The following LINGO2 variants were observed in gnomAD, a reference collection of about 807,000 sequenced individuals.
LINGO2 encodes the protein leucine-rich repeat and immunoglobulin-like domain-containing nogo receptor-interacting protein 2.
LINGO2 carries 14 observed loss-of-function variants against 30.6 expected under a neutral mutation model. The ratio of observed to expected loss-of-function variants is 0.46; its 90% confidence interval spans 0.30 to 0.72. LINGO2 has a LOEUF of 0.72. LINGO2 is among the 30% of genes least tolerant of loss of function. The pLI is 0.07. For synonymous variants in LINGO2, 317 were observed against 288.5 expected (o/e 1.10, Z -1.00); for missense variants, 729 against 751.7 (o/e 0.97, Z 0.35).
intron 1 of LINGO2, among the ~76,000 whole-genome samples, chr9:28,652,484 C>T (rs1480915555): frequency 6.6e-6 from 1 of 152,072 alleles, no homozygotes; most frequent in Non-Finnish European, 1.5e-5. Flanking sequence ...TGCACCACTA[C>T]AGAGATAGAA....
At chr9:28,630,369 A>T (rs1204457527) in intron 1 of LINGO2, among the ~76,000 whole-genome samples, 1 of 152,082 alleles carries the variant, frequency 6.6e-6, no homozygotes, top group Non-Finnish European at 1.5e-5. Flanking sequence ...TAATACTGCT[A>T]ATTAGTCCTA....
chr9:28,205,003 T>G (rs1439871216), intron 4 of LINGO2, among the ~76,000 whole-genome samples: 2 of 152,164 alleles, frequency 1.3e-5, no homozygotes, highest in African/African-American at 4.8e-5. Context: ...GCTCTTGAAT[T>G]TCAAGCAATG....
At chr9:28,808,219 C>A in the LINGO2 span, among the ~76,000 whole-genome samples, 6 of 152,136 alleles carry the variant, frequency 3.9e-5, no homozygotes, top group African/African-American at 1.2e-4. Context: ...TGCAATCCTG[C>A]CATGAATCCT....
At chr9:28,060,621 C>T (rs573270214) in intron 4 of LINGO2, among the ~76,000 whole-genome samples, 99 of 152,270 alleles carry the variant, frequency 6.5e-4, no homozygotes, top group Admixed American at 1.9e-3. Flanking sequence ...CCTGCCTCAA[C>T]GACAGGCTAA....
At chr9:28,562,466 A>AAAAAAC (rs1419144329) in intron 1 of LINGO2, among the ~76,000 whole-genome samples, 11 of 150,642 alleles carry the variant, frequency 7.3e-5, no homozygotes, top group African/African-American at 2.7e-4. Context: ...TCAAAAAAAA[A>AAAAAAC]AAAAAAAAAC....
chr9:28,895,307 C>G, the LINGO2 span, among the ~76,000 whole-genome samples: 1 of 152,198 alleles, frequency 6.6e-6, no homozygotes, highest in Admixed American at 6.5e-5. Context: ...ACCTGGCAAA[C>G]AGTGCTGGGG....
intron 4 of LINGO2, among the ~76,000 whole-genome samples, chr9:28,171,698 T>C (rs565173005): frequency 2.0e-5 from 3 of 152,222 alleles, no homozygotes; most frequent in South Asian, 2.1e-4. Context: ...CTCTGGATCC[T>C]GGCTGAAACT....
intron 2 of LINGO2, among the ~76,000 whole-genome samples, chr9:28,435,460 A>G (rs1193944243): frequency 6.6e-6 from 1 of 152,204 alleles, no homozygotes; most frequent in Non-Finnish European, 1.5e-5. Context: ...CATGCCATGT[A>G]ATAGAAAAAT....
the LINGO2 span, among the ~76,000 whole-genome samples, chr9:29,133,981 C>T: frequency 8.0e-3 from 1,220 of 152,192 alleles, 5 homozygotes; most frequent in Non-Finnish European, 0.012. Flanking sequence ...AGATTTGTTG[C>T]CATTATAAGT....
intron 1 of LINGO2, among the ~76,000 whole-genome samples, chr9:28,661,053 G>A (rs1245027916): frequency 6.6e-6 from 1 of 152,012 alleles, no homozygotes; most frequent in Non-Finnish European, 1.5e-5. Context: ...GTGTGACCTT[G>A]CAACTACCTC....
rs536730889 is a variant in LINGO2 at position 28,349,069 on chromosome 9, G to A, written c.-246+23767C>T. On this transcript the variant is annotated intron_variant, in intron 3 of 5. Coordinates refer to ENST00000379992, the Ensembl canonical transcript of LINGO2. ...GGGGAAAAAACAGAACAGAAAAACT[G>A]GAAACTCTAAAAAGCAGAGCGCCTC... Among the ~76,000 whole-genome samples, 543 of 151,950 alleles carry A rather than the reference G, an allele frequency of 3.6e-3. 5 individuals carry two copies. The highest frequency in any genetic ancestry group is 0.013 in the African/African-American group (519 of 41,446).
intron 1 of LINGO2, among the ~76,000 whole-genome samples, chr9:28,494,894 T>C (rs1041224530): frequency 1.3e-5 from 2 of 152,232 alleles, no homozygotes; most frequent in African/African-American, 4.8e-5. Flanking sequence ...TTCCTGACCT[T>C]TTAATGATTG....
the LINGO2 span, among the ~76,000 whole-genome samples, chr9:29,134,993 G>C: frequency 5.3e-5 from 8 of 152,034 alleles, no homozygotes; most frequent in East Asian, 1.4e-3. Context: ...GTCTGTGTTT[G>C]ATAGATTCTA....
At chr9:28,692,162 A>G in the LINGO2 span, among the ~76,000 whole-genome samples, 21 of 152,234 alleles carry the variant, frequency 1.4e-4, no homozygotes, top group East Asian at 2.5e-3. Context: ...TGCCTTTAAG[A>G]TAATCCCAAA....
chr9:28,518,563 C>T (rs957204777), intron 1 of LINGO2, among the ~76,000 whole-genome samples: 8 of 152,126 alleles, frequency 5.3e-5, no homozygotes, highest in African/African-American at 1.9e-4. Context: ...GAAAGATGCT[C>T]CTTGAACCAG....
intron 4 of LINGO2, among the ~76,000 whole-genome samples, chr9:28,174,914 G>GTGTC (rs1405874464): frequency 1.4e-5 from 2 of 140,372 alleles, no homozygotes; most frequent in African/African-American, 2.7e-5. Flanking sequence ...GTGTGTGTGT[G>GTGTC]TGTGTGTGAG....
At chr9:28,482,242 A>G (rs918803029) in intron 1 of LINGO2, among the ~76,000 whole-genome samples, 1 of 151,938 alleles carries the variant, frequency 6.6e-6, no homozygotes, top group Non-Finnish European at 1.5e-5. Context: ...TCCCACCAAC[A>G]GTGTAAAAGT....
intron 3 of LINGO2, among the ~76,000 whole-genome samples, chr9:28,368,589 CTTTTCTT>C (rs1233723769): frequency 1.1e-5 from 1 of 95,076 alleles, no homozygotes; most frequent in Non-Finnish European, 2.1e-5. Flanking sequence ...CTCTTCTTTT[CTTTTCTT>C]TTTTTTTTTT....
intron 4 of LINGO2, among the ~76,000 whole-genome samples, chr9:28,144,721 A>G (rs1373326750): frequency 6.6e-6 from 1 of 152,226 alleles, no homozygotes; most frequent in African/African-American, 2.4e-5. Flanking sequence ...GACAATGACA[A>G]CAAAAAACGG....
Sources: gnomAD v4.1 joint callset for allele counts (sites outside exome capture counted in the v4.1 genomes callset) on GRCh38, gnomAD v4.1.1 for gene constraint, MANE v1.5 for transcripts, NCBI Gene and HGNC (gene_info 2026-07-23, HGNC 2026-07-21) for gene names.